The following PCDHGB6 variants were observed in gnomAD, a reference collection of about 807,000 sequenced individuals.
The protein encoded by PCDHGB6 is protocadherin gamma-B6.
A neutral mutation model predicts 59.1 loss-of-function variants in PCDHGB6; 51 were observed. The ratio of observed to expected loss-of-function variants is 0.86; its 90% CI spans 0.69 to 1.09. The LOEUF is 1.09. Ranked by LOEUF, PCDHGB6 falls within the 50% of genes least tolerant of loss-of-function variation. The probability of loss-of-function intolerance (pLI) is 0.00; values close to 1 mark genes in which losing one functional copy is unlikely to be tolerated. For synonymous variants in PCDHGB6, 466 were observed against 495.1 expected, an observed-to-expected ratio of 0.94 and a Z score of 0.78; for missense variants, 1,148 against 1,205.1, an observed-to-expected ratio of 0.95 and a Z score of 0.70.
chr5:141,458,404 G>A lies in PCDHGB6; in HGVS notation c.2419-36403G>A, dbSNP rs183963289. Among the ~76,000 whole-genome samples the A allele has an allele frequency of 4.6e-5, 7 of 152,218 alleles. No homozygotes were observed. The East Asian group carries it at 5.8e-4, about 13-fold the overall frequency. ...GGAAGACGCTCCCCCTTGCAGAGAC[G>A]GAGCGGGGGTTCCAAAGCTGAAAGA... On this transcript the variant is annotated intron_variant, in intron 1 of 3. Transcript: ENST00000520790.
chr5:141,478,882 A>G, intron 1 of PCDHGB6: 1 of 1,200,164 alleles, frequency 8.3e-7, no homozygotes. Context: ...TTAGCTTGGT[A>G]TCATTTACAT....
intron 1 of PCDHGB6, among the ~76,000 whole-genome samples, chr5:141,481,692 G>A (rs1231630072): frequency 3.3e-5 from 5 of 152,020 alleles, no homozygotes; most frequent in East Asian, 1.9e-4. Context: ...GGTGGCTCAC[G>A]CCTGTAATCC....
chr5:141,439,756 G>A (rs74623862), intron 1 of PCDHGB6: 30 of 152,422 alleles, frequency 2.0e-4, no homozygotes, highest in African/African-American at 7.0e-4. Context: ...CAGGCAATGA[G>A]TTCAGCTCCT....
chr5:141,507,619 G>T (rs1237918589), intron 3 of PCDHGB6, among the ~76,000 whole-genome samples: 22 of 152,256 alleles, frequency 1.4e-4, no homozygotes, highest in Admixed American at 1.4e-3. Context: ...ATATTTAGCT[G>T]TTGTGGCCTT....
At chr5:141,470,825 C>G (rs557419577) in intron 1 of PCDHGB6, among the ~76,000 whole-genome samples, 24 of 152,182 alleles carry the variant, frequency 1.6e-4, no homozygotes, top group African/African-American at 4.1e-4. Context: ...GTAGTTAGGA[C>G]GACAAACACA....
At chr5:141,420,036 G>A (rs1370492350) in intron 1 of PCDHGB6, 1 of 1,614,078 alleles carries the variant, frequency 6.2e-7, no homozygotes. Flanking sequence ...GCAGGAGACT[G>A]CTTTGAGTCA....
chr5:141,433,361 ATCT>A, intron 1 of PCDHGB6: 2 of 297,578 alleles, frequency 6.7e-6, no homozygotes, highest in Non-Finnish European at 1.3e-5. Context: ...CTGTCTGCCT[ATCT>A]ATCTATCTAT....
intron 1 of PCDHGB6, among the ~76,000 whole-genome samples, chr5:141,474,586 A>G (rs149003643): frequency 6.6e-6 from 1 of 152,222 alleles, no homozygotes; most frequent in Non-Finnish European, 1.5e-5. Flanking sequence ...AGTGTTAAAG[A>G]CATGGAAATA....
intron 1 of PCDHGB6, among the ~76,000 whole-genome samples, chr5:141,436,515 G>A (rs1393437693): frequency 6.6e-6 from 1 of 152,160 alleles, no homozygotes; most frequent in Non-Finnish European, 1.5e-5. Context: ...ATTGTTAACT[G>A]TGTCACCTTT....
chr5:141,498,625 T>C (rs1327552423), intron 2 of PCDHGB6, among the ~76,000 whole-genome samples: 1 of 152,176 alleles, frequency 6.6e-6, no homozygotes, highest in Non-Finnish European at 1.5e-5. Context: ...TGGGTCACAC[T>C]GCCTAGACAG....
In PCDHGB6 at chr5:141,489,584, A is replaced by G. The variant is rs775720718; in HGVS notation, c.2419-5223A>G. Reference sequence around the variant, plus strand: ...CAGGTGGTGACTGAACACCCCCTGGAGCTAATCCGTGTAGAGGTAGAGATC... The same window carrying G: ...CAGGTGGTGACTGAACACCCCCTGGGGCTAATCCGTGTAGAGGTAGAGATC... On this transcript the variant is annotated intron_variant, in intron 1 of 3. Coordinates refer to ENST00000520790, the MANE Select transcript of PCDHGB6 (RefSeq NM_018926.3). The surrounding 1 kb of genome is among the most constrained non-coding windows in gnomAD (Gnocchi z 4.5). The G allele has an allele frequency of 6.2e-7, 1 of 1,614,054 alleles. No homozygotes were observed. Among genetic ancestry groups the G allele is most frequent in the South Asian group, 1.1e-5 (1 of 91,078 alleles).
intron 1 of PCDHGB6, among the ~76,000 whole-genome samples, chr5:141,438,296 A>G (rs902991313): frequency 6.6e-6 from 1 of 152,034 alleles, no homozygotes; most frequent in Non-Finnish European, 1.5e-5. Context: ...CTGTATGTAA[A>G]AGAAGTTGGT....
chr5:141,483,916 A>C (rs1377841777), intron 1 of PCDHGB6, among the ~76,000 whole-genome samples: 1 of 144,996 alleles, frequency 6.9e-6, no homozygotes, highest in African/African-American at 2.5e-5. Flanking sequence ...TCCCACTCAG[A>C]TTGCAGGTCG....
At position 141,408,311 on chromosome 5, in the gene PCDHGB6, A is replaced by C. The variant is rs1467917610; in HGVS notation, c.109A>C (p.Ile37Leu). Residue 37 changes from isoleucine (I) to leucine (L), a missense_variant, in exon 1 of 4, where the codon ATT (isoleucine) becomes CTT (leucine). Transcript: ENST00000520790. ...CCTGAGTGAGCCGATCCGCTACTCGATTCCGGAGGAGCTGGCCAAGGGCTC... is the reference window on the plus strand; with the variant it reads ...CCTGAGTGAGCCGATCCGCTACTCGCTTCCGGAGGAGCTGGCCAAGGGCTC... ...PTLSEPIRYS[I>L]PEELAKGSVV... 6.2e-7 allele frequency: 1 copy of C among 1,613,650 alleles called. No individual in the cohort carries two copies. Among genetic ancestry groups the C allele is most frequent in the African/African-American group, 1.3e-5 (1 of 74,902 alleles).
chr5:141,464,921 G>C (rs1562002597), intron 1 of PCDHGB6, among the ~76,000 whole-genome samples: 6 of 151,106 alleles, frequency 4.0e-5, no homozygotes, highest in Admixed American at 3.3e-4. Flanking sequence ...TTATTTTTTT[G>C]TAGAGATGTG....
intron 1 of PCDHGB6, among the ~76,000 whole-genome samples, chr5:141,472,688 A>G (rs970538300): frequency 2.0e-5 from 3 of 151,384 alleles, no homozygotes; most frequent in African/African-American, 7.3e-5. Context: ...CATTTCCCCT[A>G]GAAATAAGTG....
At chr5:141,478,740 C>T (rs2099474176) in intron 1 of PCDHGB6, 7 of 1,531,524 alleles carry the variant, frequency 4.6e-6, no homozygotes, top group Non-Finnish European at 6.2e-6. Flanking sequence ...GGTTTGTGGT[C>T]CCATTTCAGG....
At chr5:141,424,628 A>C (rs962512805) in intron 1 of PCDHGB6, 3 of 152,348 alleles carry the variant, frequency 2.0e-5, no homozygotes, top group African/African-American at 7.2e-5. Flanking sequence ...GTTTGTGAAT[A>C]TATAAATAGA....
chr5:141,433,582 T>TCCCA (rs758953161), intron 1 of PCDHGB6, among the ~76,000 whole-genome samples: 4 of 151,942 alleles, frequency 2.6e-5, no homozygotes, highest in Non-Finnish European at 5.9e-5. Flanking sequence ...ACGCCTGTAA[T>TCCCA]CCCAGTACTT....
Sources: allele counts gnomAD v4.1 joint callset (sites outside exome capture counted in the v4.1 genomes callset), GRCh38; gene constraint gnomAD v4.1.1; non-coding constraint Gnocchi (gnomAD v3.1); transcripts MANE v1.5; gene names NCBI Gene and HGNC (gene_info 2026-07-23, HGNC 2026-07-21).